The following GRIN2B variants were observed in gnomAD, a reference collection of about 807,000 sequenced individuals.
The protein encoded by GRIN2B is glutamate ionotropic receptor NMDA type subunit 2B.
GRIN2B carries 5 observed loss-of-function variants against 114.5 expected under a neutral mutation model. The observed-to-expected ratio is 0.04, with a 90% CI of 0.02 to 0.09. The LOEUF is 0.09. Ranked by LOEUF, GRIN2B falls within the 10% of genes least tolerant of loss-of-function variation. The pLI, the probability that GRIN2B is intolerant of heterozygous loss-of-function variation, is 1.00. For synonymous variants in GRIN2B, 787 were observed against 745.1 expected (o/e 1.06, Z -0.92); for missense variants, 1,108 against 1,943.5 (o/e 0.57, Z 8.08).
intron 2 of GRIN2B, among the ~76,000 whole-genome samples, chr12:13,874,234 C>T (rs2136756976): frequency 6.6e-6 from 1 of 152,372 alleles, no homozygotes; most frequent in African/African-American, 2.4e-5. Flanking sequence ...TGGGCTCCTT[C>T]TTGTCCTTAC....
intron 10 of GRIN2B, among the ~76,000 whole-genome samples, chr12:13,599,515 C>T (rs1424949311): frequency 6.6e-6 from 1 of 152,130 alleles, no homozygotes; most frequent in Non-Finnish European, 1.5e-5. Context: ...TCAAAGGACT[C>T]GAACTTAGTT....
rs1014852415 is a variant in GRIN2B, at chr12:13,793,131, G to T, written c.412-39216C>A. Among the ~76,000 whole-genome samples the T allele has an allele frequency of 5.3e-5, 8 of 152,114 alleles. No individual in the cohort carries two copies. The East Asian group carries it at 1.5e-3, about 29-fold the overall frequency. On this transcript the variant is annotated intron_variant, in intron 3 of 13. Coordinates refer to ENST00000609686, the MANE Select transcript of GRIN2B (RefSeq NM_000834.5). ...GATAAAGTTATTCAACTCAGGGCAG[G>T]CACAGTGGCTCACGCCTGTAATCCC... is the stretch of plus-strand genomic sequence containing the variant.
At chr12:13,652,953 G>A in intron 5 of GRIN2B, among the ~76,000 whole-genome samples, 1 of 152,116 alleles carries the variant, frequency 6.6e-6, no homozygotes, top group Non-Finnish European at 1.5e-5. Context: ...TGTCACTGGA[G>A]CACTATTGCA....
At chr12:13,791,649 GC>G (rs1864324041) in intron 3 of GRIN2B, among the ~76,000 whole-genome samples, 1 of 151,948 alleles carries the variant, frequency 6.6e-6, no homozygotes, top group African/African-American at 2.4e-5. Flanking sequence ...TTTCTCAATA[GC>G]CTTATGAGGT....
At chr12:13,745,625 A>G (rs1863366325) in intron 4 of GRIN2B, among the ~76,000 whole-genome samples, 1 of 152,238 alleles carries the variant, frequency 6.6e-6, no homozygotes, top group African/African-American at 2.4e-5. Context: ...TCACATATGT[A>G]AATTCCATCC....
At chr12:13,607,430 A>G in intron 10 of GRIN2B, among the ~76,000 whole-genome samples, 1 of 88,808 alleles carries the variant, frequency 1.1e-5, no homozygotes, top group East Asian at 2.8e-4. Flanking sequence ...TATATTATAT[A>G]TAATATATAT....
intron 4 of GRIN2B, among the ~76,000 whole-genome samples, chr12:13,715,046 G>A (rs911229974): frequency 2.0e-5 from 3 of 151,918 alleles, no homozygotes; most frequent in Non-Finnish European, 4.4e-5. Flanking sequence ...CATTGCTGGA[G>A]TATTATGGGT....
At chr12:13,719,134 C>T (rs1950485904) in intron 4 of GRIN2B, among the ~76,000 whole-genome samples, 1 of 151,938 alleles carries the variant, frequency 6.6e-6, no homozygotes, top group Admixed American at 6.6e-5. Context: ...TTCCAGGGGC[C>T]AGGGGATGAC....
chr12:13,582,153 C>G (rs1256236946), intron 10 of GRIN2B, among the ~76,000 whole-genome samples: 1 of 152,168 alleles, frequency 6.6e-6, no homozygotes, highest in Non-Finnish European at 1.5e-5. Flanking sequence ...AGACCCTACC[C>G]CTAAAACAAA....
At chr12:13,720,347 T>C (rs2136592075) in intron 4 of GRIN2B, among the ~76,000 whole-genome samples, 1 of 152,162 alleles carries the variant, frequency 6.6e-6, no homozygotes, top group African/African-American at 2.4e-5. Flanking sequence ...GCACAGGACT[T>C]ACTATGATGG....
intron 4 of GRIN2B, among the ~76,000 whole-genome samples, chr12:13,726,990 C>T (rs1208635523): frequency 6.6e-6 from 1 of 152,094 alleles, no homozygotes; most frequent in Non-Finnish European, 1.5e-5. Flanking sequence ...CAGTTATTAT[C>T]TCCATTTTTT....
intron 2 of GRIN2B, among the ~76,000 whole-genome samples, chr12:13,900,624 C>G (rs1866431639): frequency 6.6e-6 from 1 of 152,142 alleles, no homozygotes; most frequent in African/African-American, 2.4e-5. Context: ...TCTCCCTCAC[C>G]AGTGCAGGAA....
chr12:13,824,855 CAAAAAAAAA>C (rs34417194), intron 3 of GRIN2B, among the ~76,000 whole-genome samples: 4 of 95,116 alleles, frequency 4.2e-5, no homozygotes, highest in South Asian at 7.7e-4. Context: ...GACTCCATTT[CAAAAAAAAA>C]AAAAAAAAAA....
rs550552776 is a variant in GRIN2B, at chr12:13,793,144, C to T, written c.412-39229G>A. On this transcript the variant is annotated intron_variant, in intron 3 of 13. Coordinates refer to ENST00000609686, the MANE Select transcript of GRIN2B (RefSeq NM_000834.5). Reference sequence around the variant, plus strand: ...AACTCAGGGCAGGCACAGTGGCTCACGCCTGTAATCCCAGCACTTTGGGAG... The same window carrying T: ...AACTCAGGGCAGGCACAGTGGCTCATGCCTGTAATCCCAGCACTTTGGGAG... Among the ~76,000 whole-genome samples, 47 of 151,664 alleles carry T rather than the reference C, an allele frequency of 3.1e-4. No homozygotes were observed. In the South Asian group the frequency reaches 8.7e-3, roughly 28 times the overall value.
chr12:13,574,264 A>G (rs140803680), intron 10 of GRIN2B, among the ~76,000 whole-genome samples: 1 of 152,354 alleles, frequency 6.6e-6, no homozygotes, highest in East Asian at 1.9e-4. Flanking sequence ...GAAGAGACAG[A>G]CACCAGAATG....
In GRIN2B at chr12:13,713,459, A is replaced by G. The variant is rs548356432; in HGVS notation, c.1011-37600T>C. Among the ~76,000 whole-genome samples the G allele has an allele frequency of 7.2e-4, 109 of 152,054 alleles. 1 individual carries two copies. The highest frequency in any genetic ancestry group is 2.6e-3 in the African/African-American group (106 of 41,544). On this transcript the variant is annotated intron_variant, in intron 4 of 13. Transcript: ENST00000609686. ...GAGGCACCAACTTCTTTTCAAATGA[A>G]TCACAGAATCTAATTATTCTGAAAA...
Position 13,605,537 on chromosome 12 carries a change from T to TGA in GRIN2B, c.2010+3065_2010+3066insTC, listed in dbSNP as rs1565472410. 8.9e-5 allele frequency among the ~76,000 whole-genome samples: 6 copies of TGA among 67,048 alleles called. No homozygotes were observed. The Admixed American group carries it at 9.3e-4, about 10-fold the overall frequency. The allele number at this position is 67,048 out of a possible 152,430, so 44.0% of individuals were successfully genotyped here. ...TCTTGAAAGTCTCTCTCTCTCTCTC[T>TGA]CTCTCTCTCTCTCTGACACACACAC... On this transcript the variant is annotated intron_variant, in intron 10 of 13. Transcript: ENST00000609686.
intron 10 of GRIN2B, among the ~76,000 whole-genome samples, chr12:13,591,096 A>C (rs1949003188): frequency 1.3e-5 from 2 of 152,142 alleles, no homozygotes. Flanking sequence ...CAAGGGGTCT[A>C]AGCACTGCAA....
chr12:13,619,756 C>T (rs35827820), intron 5 of GRIN2B, among the ~76,000 whole-genome samples: 3,016 of 152,288 alleles, frequency 0.02, 47 homozygotes, highest in Non-Finnish European at 0.027. Context: ...GAGATTGAAG[C>T]TCACATTTAA....
Sources: allele counts gnomAD v4.1 joint callset (sites outside exome capture counted in the v4.1 genomes callset), GRCh38; gene constraint gnomAD v4.1.1; transcripts MANE v1.5; gene names NCBI Gene and HGNC (gene_info 2026-07-23, HGNC 2026-07-21).